Variants in TMEM117 observed in about 807,000 individuals in gnomAD.
TMEM117 encodes transmembrane protein 117.
A neutral mutation model predicts 52.4 loss-of-function variants in TMEM117; 27 were observed. The observed-to-expected ratio is 0.51, with a 90% CI of 0.38 to 0.71. The LOEUF is 0.71. Ranked by LOEUF, TMEM117 falls within the 30% of genes least tolerant of loss-of-function variation. The pLI is 0.00. For missense variants in TMEM117, 556 were observed against 630.5 expected (o/e 0.88, Z 1.26); for synonymous variants, 215 against 206.3 (o/e 1.04, Z -0.36).
At chr12:43,836,778 G>A (rs746308325) in intron 1 of TMEM117, among the ~76,000 whole-genome samples, 50 of 152,106 alleles carry the variant, frequency 3.3e-4, no homozygotes, top group Admixed American at 8.5e-4. Context: ...GTGGAACAAT[G>A]AAGTATGTGT....
At chr12:43,833,688 G>A (rs904553441), upstream of TMEM117, among the ~76,000 whole-genome samples, 2 of 151,686 alleles carry the variant, frequency 1.3e-5, no homozygotes, top group African/African-American at 4.8e-5. Context: ...ACTTGGGAGG[G>A]TGAGTCAGCA....
intron 5 of TMEM117, among the ~76,000 whole-genome samples, chr12:44,285,336 T>G (rs1300838484): frequency 1.3e-5 from 2 of 152,200 alleles, no homozygotes; most frequent in Non-Finnish European, 2.9e-5. Context: ...TGGACAACAT[T>G]AGAGTCTAGT....
intron 7 of TMEM117, among the ~76,000 whole-genome samples, chr12:44,382,730 C>A (rs960051644): frequency 2.6e-5 from 4 of 152,178 alleles, no homozygotes; most frequent in Admixed American, 2.6e-4. Context: ...ACAAGAGAGG[C>A]ACTTTGAGAA....
At chr12:44,115,552 T>C (rs1948126739) in intron 3 of TMEM117, among the ~76,000 whole-genome samples, 1 of 152,016 alleles carries the variant, frequency 6.6e-6, no homozygotes, top group South Asian at 2.1e-4. Flanking sequence ...TTTTTTTTTT[T>C]ACTGAAGTCA....
intron 6 of TMEM117, among the ~76,000 whole-genome samples, chr12:44,354,758 C>T (rs367924306): frequency 7.9e-5 from 12 of 151,676 alleles, no homozygotes; most frequent in Admixed American, 5.9e-4. Context: ...AAAACTGGCA[C>T]AAGACAGGGA....
intron 3 of TMEM117, among the ~76,000 whole-genome samples, chr12:44,126,632 G>A (rs1948329613): frequency 6.6e-6 from 1 of 152,148 alleles, no homozygotes; most frequent in African/African-American, 2.4e-5. Flanking sequence ...TGACTGTTTA[G>A]TACACAGTGC....
chr12:44,152,469 A>T (rs1239494742), intron 4 of TMEM117, among the ~76,000 whole-genome samples: 2,852 of 114,794 alleles, frequency 0.025, 67 homozygotes, highest in Admixed American at 0.033. Context: ...TATATCTATA[A>T]TTATATCATA....
At chr12:43,930,015 A>G (rs55900603) in intron 2 of TMEM117, among the ~76,000 whole-genome samples, 15,686 of 152,124 alleles carry the variant, frequency 0.1, 992 homozygotes, top group Middle Eastern at 0.22. Flanking sequence ...TGATGATACA[A>G]TCTTCCCTAG....
chr12:43,921,797 T>C (rs531161632), intron 2 of TMEM117, among the ~76,000 whole-genome samples: 34 of 152,280 alleles, frequency 2.2e-4, no homozygotes, highest in African/African-American at 8.2e-4. Flanking sequence ...AGGTTCTGCA[T>C]AGAGAGTCAC....
intron 6 of TMEM117, among the ~76,000 whole-genome samples, chr12:44,349,073 A>C (rs1951529165): frequency 6.6e-6 from 1 of 152,000 alleles, no homozygotes; most frequent in South Asian, 2.1e-4. Flanking sequence ...ATCAAGCATA[A>C]ATTTCTAACA....
chr12:44,122,207 G>T (rs550676198), intron 3 of TMEM117, among the ~76,000 whole-genome samples: 1 of 151,884 alleles, frequency 6.6e-6, no homozygotes, highest in Non-Finnish European at 1.5e-5. Flanking sequence ...ACCATGCCTA[G>T]CTAATTTTTT....
chr12:44,388,228 C>T lies in TMEM117; in HGVS notation c.1101C>T (p.Asn367=), dbSNP rs756354084. The T allele has an allele frequency of 9.9e-6, 16 of 1,613,378 alleles. No individual in the cohort carries two copies. In the South Asian group the frequency reaches 1.6e-4, roughly 17 times the overall value. ...GGGAATGGAGGTCCAATCACACTAA[C>T]CCTCGGACTAATAAAACATATGTTG... is the stretch of plus-strand genomic sequence containing the variant. ...LSWEWRSNHT[N]PRTNKTYVEG... The change falls in exon 8 of 8, where the codon AAC becomes AAT. Residue 367 remains asparagine, a synonymous_variant. Transcript: ENST00000266534.
chr12:43,861,571 A>T (rs1943490108), intron 2 of TMEM117, among the ~76,000 whole-genome samples: 2 of 152,260 alleles, frequency 1.3e-5, no homozygotes, highest in South Asian at 4.1e-4. Flanking sequence ...TGACAGATCA[A>T]ATTGAATATG....
chr12:44,039,394 T>C (rs1368302571), intron 3 of TMEM117, among the ~76,000 whole-genome samples: 2 of 149,396 alleles, frequency 1.3e-5, no homozygotes, highest in African/African-American at 2.4e-5. Context: ...TTATATATTA[T>C]TGTATATATA....
intron 4 of TMEM117, among the ~76,000 whole-genome samples, chr12:44,170,401 A>C (rs1170281889): frequency 6.6e-6 from 1 of 151,944 alleles, no homozygotes; most frequent in Non-Finnish European, 1.5e-5. Flanking sequence ...TATGTAACAA[A>C]CCTGCACGTT....
At chr12:44,010,642 A>G (rs1946276035) in intron 3 of TMEM117, among the ~76,000 whole-genome samples, 1 of 152,094 alleles carries the variant, frequency 6.6e-6, no homozygotes, top group Non-Finnish European at 1.5e-5. Context: ...CTCTCCTTAG[A>G]ATATTACCAT....
chr12:43,940,098 A>G (rs768402773), intron 2 of TMEM117, among the ~76,000 whole-genome samples: 6 of 152,220 alleles, frequency 3.9e-5, no homozygotes, highest in Non-Finnish European at 7.3e-5. Flanking sequence ...TTGGGTATCA[A>G]CATGACCCTT....
intron 5 of TMEM117, among the ~76,000 whole-genome samples, chr12:44,219,574 A>G (rs1475176002): frequency 6.6e-6 from 1 of 152,076 alleles, no homozygotes; most frequent in Non-Finnish European, 1.5e-5. Context: ...AGTTGCTGTT[A>G]TTTTTATTTT....
intron 2 of TMEM117, among the ~76,000 whole-genome samples, chr12:43,873,267 G>T (rs1943736822): frequency 7.2e-6 from 1 of 139,506 alleles, no homozygotes; most frequent in Non-Finnish European, 1.6e-5. Context: ...AATAGGGTTA[G>T]TAGAGTATAA....
Sources: gnomAD v4.1 joint callset for allele counts (sites outside exome capture counted in the v4.1 genomes callset) on GRCh38, gnomAD v4.1.1 for gene constraint, MANE v1.5 for transcripts, NCBI Gene and HGNC (gene_info 2026-07-23, HGNC 2026-07-21) for gene names.